Variants in CDC42BPB observed in about 807,000 individuals in gnomAD.
The protein encoded by CDC42BPB is serine/threonine-protein kinase MRCK beta.
In CDC42BPB, 37 loss-of-function variants were observed where a neutral mutation model predicts 214.9. The observed-to-expected ratio is 0.17, with a 90% CI of 0.13 to 0.23. CDC42BPB has a LOEUF of 0.23. Ranked by LOEUF, CDC42BPB falls within the 10% of genes least tolerant of loss-of-function variation. The pLI is 1.00. For missense variants in CDC42BPB, 1,694 were observed against 2,227.0 expected, an observed-to-expected ratio of 0.76 and a Z score of 4.82; for synonymous variants, 931 against 884.0, an observed-to-expected ratio of 1.05 and a Z score of -0.94.
intron 8 of CDC42BPB, among the ~76,000 whole-genome samples, chr14:102,978,836 G>A (rs1893873049): frequency 2.0e-5 from 3 of 151,970 alleles, no homozygotes; most frequent in South Asian, 2.1e-4. Context: ...GTGAAACCCC[G>A]TCTCTACTAA....
At chr14:103,018,077 T>C (rs1346942081) in intron 1 of CDC42BPB, among the ~76,000 whole-genome samples, 4 of 152,222 alleles carry the variant, frequency 2.6e-5, no homozygotes, top group Non-Finnish European at 4.4e-5. Context: ...CATCAGGCAC[T>C]GGACTCTCAT....
chr14:102,933,915 G>T, intron 36 of CDC42BPB, 72 bp from the exon 37 acceptor site: 1 of 1,453,488 alleles, frequency 6.9e-7, no homozygotes, highest in South Asian at 1.5e-5. Flanking sequence ...CCAGCTGGAT[G>T]CAAATGTTTG....
chr14:103,029,858 C>CAAAAA (rs11299296), intron 1 of CDC42BPB, among the ~76,000 whole-genome samples: 750 of 61,686 alleles, frequency 0.012, no homozygotes, highest in East Asian at 0.018. Context: ...ACTCCATCTC[C>CAAAAA]AAAAAAAAAA....
At chr14:103,035,262 G>A (rs548453116) in intron 1 of CDC42BPB, among the ~76,000 whole-genome samples, 85 of 152,052 alleles carry the variant, frequency 5.6e-4, no homozygotes, top group South Asian at 2.1e-3. Context: ...TCTCCTTGTC[G>A]GTCAGGCTGG....
chr14:103,014,836 G>A (rs776432628), intron 1 of CDC42BPB, among the ~76,000 whole-genome samples: 9 of 151,736 alleles, frequency 5.9e-5, no homozygotes, highest in Non-Finnish European at 1.0e-4. Context: ...CAGCCTGGGC[G>A]ACAGAGTGAC....
rs1468592713 is a variant in CDC42BPB at position 102,943,678 on chromosome 14, GGA to G, written c.4408+211_4408+212del. 5 of 567,300 alleles carry G rather than the reference GGA, an allele frequency of 8.8e-6. No individual in the cohort carries two copies. The highest frequency in any genetic ancestry group is 3.3e-5 in the Admixed American group (1 of 30,752). The allele number at this position is 567,300 out of a possible 1,614,324, so 35.1% of individuals were successfully genotyped here. Reference sequence around the variant, plus strand: ...GGAAGAACCGGCCCCATGTGCTCAGGGAGAGAGGTTGCTGAGCCCGCCTACTG... The same window carrying G: ...GGAAGAACCGGCCCCATGTGCTCAGGGAGAGGTTGCTGAGCCCGCCTACTG... On this transcript the variant is annotated intron_variant, in intron 30 of 36. Transcript: ENST00000361246. This position sits in a 1 kb window ranked among gnomAD's most constrained non-coding sequence, Gnocchi z 4.6.
chr14:102,974,409 G>A, intron 11 of CDC42BPB: 7 of 973,622 alleles, frequency 7.2e-6, no homozygotes, highest in Non-Finnish European at 8.5e-6. Context: ...CTGAGCACTG[G>A]GAGCCCTTGG....
In CDC42BPB at chr14:102,946,353, T is replaced by C. The variant is rs1250818274; in HGVS notation, c.3748+115A>G. Reference sequence around the variant, plus strand: ...TGCTTCTTAACATGCATGGAGAAACTGTCTACAAACCCAAATGGACCTGTG... The same window carrying C: ...TGCTTCTTAACATGCATGGAGAAACCGTCTACAAACCCAAATGGACCTGTG... On this transcript the variant is annotated intron_variant, in intron 28 of 36. Transcript: ENST00000361246. The C allele has an allele frequency of 2.6e-6, 3 of 1,158,572 alleles. No individual in the cohort carries two copies. The African/African-American group carries it at 4.6e-5, about 18-fold the overall frequency. 71.8% of individuals were successfully genotyped at this position (1,158,572 alleles called of 1,614,324 possible).
chr14:102,953,743 T>C (rs1363769158), intron 23 of CDC42BPB, among the ~76,000 whole-genome samples: 1 of 152,198 alleles, frequency 6.6e-6, no homozygotes, highest in African/African-American at 2.4e-5. Context: ...CAGGATGCAC[T>C]TGTGGAAAGG....
intron 1 of CDC42BPB, among the ~76,000 whole-genome samples, chr14:103,022,623 G>C (rs796976919): frequency 6.6e-6 from 1 of 152,118 alleles, no homozygotes; most frequent in African/African-American, 2.4e-5. Flanking sequence ...CATTCCCCAC[G>C]GGTGCTCACA....
chr14:102,940,397 A>T, intron 30 of CDC42BPB, 73 bp from the exon 31 acceptor site: 1 of 1,544,448 alleles, frequency 6.5e-7, no homozygotes, highest in South Asian at 1.2e-5. Context: ...CCGGAGGCCA[A>T]GCCTTGGCAC....
intron 5 of CDC42BPB, among the ~76,000 whole-genome samples, chr14:102,989,901 T>A (rs748031001): frequency 2.1e-4 from 32 of 149,866 alleles, no homozygotes; most frequent in Non-Finnish European, 3.4e-4. Flanking sequence ...GCTCCATGAA[T>A]TGATATGGAA....
chr14:102,969,068 G>A (rs1365632067), intron 14 of CDC42BPB, among the ~76,000 whole-genome samples: 1 of 152,256 alleles, frequency 6.6e-6, no homozygotes, highest in Non-Finnish European at 1.5e-5. Flanking sequence ...GGGCTGGCGG[G>A]AACTGACAGC....
chr14:103,027,207 G>A (rs1222129157), intron 1 of CDC42BPB, among the ~76,000 whole-genome samples: 3 of 152,166 alleles, frequency 2.0e-5, no homozygotes, highest in Non-Finnish European at 4.4e-5. Flanking sequence ...GCCATGAGGT[G>A]GAGAGATGAA....
rs535137640 is a variant in CDC42BPB, at chr14:102,954,133, TA to T, written c.3066+64del. 190 of 1,067,842 alleles carry T rather than the reference TA, an allele frequency of 1.8e-4. No individual in the cohort carries two copies. The East Asian group carries it at 4.9e-3, about 27-fold the overall frequency. The allele number at this position is 1,067,842 out of a possible 1,614,324, so 66.1% of individuals were successfully genotyped here. A position where few individuals can be genotyped will look rare whatever the true frequency, so the allele number is the denominator to read the frequency against. ...ATTTATACAAAACTTATTTTCTAAA[TA>T]ACTGAGAATAAATAAACAACTAAAT... is the stretch of plus-strand genomic sequence containing the variant. On this transcript the variant is annotated intron_variant, in intron 23 of 36. Transcript: ENST00000361246.
At chr14:102,962,508 C>A (rs971594874) in intron 20 of CDC42BPB, among the ~76,000 whole-genome samples, 2 of 152,268 alleles carry the variant, frequency 1.3e-5, no homozygotes, top group Admixed American at 1.3e-4. Flanking sequence ...TCAGGGGATA[C>A]AAATGTGTGC....
Position 102,938,040 on chromosome 14 carries a change from C to T in CDC42BPB, c.5004+64G>A, listed in dbSNP as rs1015256581. 46 of 1,548,574 alleles carry T rather than the reference C, an allele frequency of 3.0e-5. No individual in the cohort carries two copies. The Admixed American group carries it at 5.0e-4, about 17-fold the overall frequency. On this transcript the variant is annotated intron_variant, in intron 36 of 36. Coordinates refer to ENST00000361246, the MANE Select transcript of CDC42BPB (RefSeq NM_006035.4). ...GACACCACCCAGGGCCCCAGATCTT[C>T]GGGCTGCTTTTCCTCCTGCAGTGGT...
chr14:102,978,246 A>G, intron 8 of CDC42BPB, 41 bp from the exon 9 acceptor site: 1 of 1,605,356 alleles, frequency 6.2e-7, no homozygotes, highest in Non-Finnish European at 8.5e-7. Context: ...ATCTACATTC[A>G]AACAAACAGG....
chr14:102,934,499 A>T (rs1464412200), intron 36 of CDC42BPB, among the ~76,000 whole-genome samples: 7 of 151,944 alleles, frequency 4.6e-5, no homozygotes, highest in Admixed American at 1.3e-4. Flanking sequence ...GCACCACTGC[A>T]CTCCAGCCTG....
Sources: gnomAD v4.1 joint callset for allele counts (sites outside exome capture counted in the v4.1 genomes callset) on GRCh38, gnomAD v4.1.1 for gene constraint, Gnocchi (gnomAD v3.1) non-coding constraint, MANE v1.5 for transcripts, NCBI Gene and HGNC (gene_info 2026-07-23, HGNC 2026-07-21) for gene names.